Variants in CCSER1 observed in about 807,000 individuals in gnomAD.
The protein encoded by CCSER1 is serine-rich coiled-coil domain-containing protein 1.
Under a neutral mutation model 82.0 loss-of-function variants are expected in CCSER1, and 41 were observed. The observed-to-expected ratio is 0.50, with a 90% confidence interval of 0.39 to 0.65. The LOEUF (loss-of-function observed/expected upper bound fraction) is 0.65, where lower values mean the gene tolerates loss of function less well. Among genes scored for constraint, CCSER1 ranks in the 30% least tolerant of loss-of-function variants. The pLI is 0.00. For missense variants in CCSER1, 1,119 were observed against 1,064.2 expected (o/e 1.05, Z -0.72); for synonymous variants, 414 against 383.9 (o/e 1.08, Z -0.92).
intron 1 of CCSER1, among the ~76,000 whole-genome samples, chr4:90,196,095 G>T: frequency 7.0e-6 from 1 of 143,486 alleles, no homozygotes. Flanking sequence ...CACTTTCCTA[G>T]CTTTTTTTTT....
intron 10 of CCSER1, among the ~76,000 whole-genome samples, chr4:91,558,499 T>C (rs1311820497): frequency 1.3e-5 from 2 of 151,636 alleles, no homozygotes; most frequent in African/African-American, 2.4e-5. Context: ...GAAATCACAA[T>C]ACATACTTTG....
chr4:91,411,878 A>G (rs1753072577), intron 10 of CCSER1, among the ~76,000 whole-genome samples: 1 of 151,702 alleles, frequency 6.6e-6, no homozygotes, highest in Non-Finnish European at 1.5e-5. Context: ...GACTTTGCAT[A>G]TGGAATCAGT....
intron 10 of CCSER1, among the ~76,000 whole-genome samples, chr4:91,366,711 T>C (rs969356734): frequency 2.6e-5 from 4 of 152,208 alleles, no homozygotes; most frequent in African/African-American, 9.6e-5. Context: ...CATAATCTTA[T>C]TGAACTTGCA....
intron 5 of CCSER1, among the ~76,000 whole-genome samples, chr4:90,517,206 T>G (rs9994165): frequency 6.6e-6 from 1 of 152,152 alleles, no homozygotes; most frequent in African/African-American, 2.4e-5. Flanking sequence ...TATTGAATAC[T>G]GAACTGAAAT....
chr4:91,400,765 T>C (rs1752266806), intron 10 of CCSER1, among the ~76,000 whole-genome samples: 1 of 151,692 alleles, frequency 6.6e-6, no homozygotes, highest in African/African-American at 2.4e-5. Context: ...AAAATGTATA[T>C]TATGAACATG....
chr4:91,022,519 A>C (rs1740088915), intron 9 of CCSER1, among the ~76,000 whole-genome samples: 1 of 152,186 alleles, frequency 6.6e-6, no homozygotes, highest in South Asian at 2.1e-4. Context: ...CTTTGGGTAT[A>C]TACCCAGTAA....
intron 9 of CCSER1, among the ~76,000 whole-genome samples, chr4:91,081,936 A>G (rs1409857535): frequency 2.0e-5 from 3 of 152,218 alleles, no homozygotes; most frequent in South Asian, 2.1e-4. Context: ...ATGGAAGAAC[A>G]TTCCATGCTC....
intron 8 of CCSER1, among the ~76,000 whole-genome samples, chr4:90,880,325 CA>C (rs1423180555): frequency 6.6e-6 from 1 of 152,000 alleles, no homozygotes; most frequent in African/African-American, 2.4e-5. Context: ...GGCTCCACAC[CA>C]GAGATACGGG....
intron 9 of CCSER1, among the ~76,000 whole-genome samples, chr4:90,997,734 G>T (rs1355188357): frequency 2.0e-5 from 3 of 152,146 alleles, no homozygotes; most frequent in Admixed American, 2.0e-4. Flanking sequence ...TGAAGGAAGT[G>T]TTCCCATTCC....
intron 3 of CCSER1, among the ~76,000 whole-genome samples, chr4:90,331,973 C>G (rs1447528634): frequency 2.6e-5 from 4 of 151,862 alleles, no homozygotes; most frequent in Non-Finnish European, 4.4e-5. Context: ...ATTTTTTCCC[C>G]TCTGTCCCCT....
At chr4:90,635,522 A>G (rs1017794427) in intron 6 of CCSER1, among the ~76,000 whole-genome samples, 1 of 151,858 alleles carries the variant, frequency 6.6e-6, no homozygotes, top group South Asian at 2.1e-4. Flanking sequence ...AGATGATGAT[A>G]ATAATATCAC....
chr4:90,451,404 G>T (rs1384514884), intron 4 of CCSER1, among the ~76,000 whole-genome samples: 1 of 152,130 alleles, frequency 6.6e-6, no homozygotes, highest in Admixed American at 6.5e-5. Context: ...GGGTTCCAGG[G>T]GGACACGCCA....
At chr4:90,357,230 C>T (rs1358878748) in intron 3 of CCSER1, among the ~76,000 whole-genome samples, 4 of 151,870 alleles carry the variant, frequency 2.6e-5, no homozygotes, top group Non-Finnish European at 5.9e-5. Flanking sequence ...GCATGTTTAT[C>T]ATAGTTCCCC....
At chr4:90,624,464 C>G (rs1260728065) in intron 5 of CCSER1, among the ~76,000 whole-genome samples, 2 of 152,082 alleles carry the variant, frequency 1.3e-5, no homozygotes, top group African/African-American at 4.8e-5. Context: ...TTCAGTTTCC[C>G]TGTAGTTTGT....
chr4:90,365,174 G>C (rs1175052180), intron 3 of CCSER1, among the ~76,000 whole-genome samples: 2 of 151,862 alleles, frequency 1.3e-5, no homozygotes. Flanking sequence ...CCTACAGCTA[G>C]TATTCACAGA....
chr4:90,648,142 C>A (rs1727927668), intron 6 of CCSER1, among the ~76,000 whole-genome samples: 1 of 151,482 alleles, frequency 6.6e-6, no homozygotes, highest in Non-Finnish European at 1.5e-5. Context: ...TTATAGAATT[C>A]AGTTTAGACA....
intron 10 of CCSER1, among the ~76,000 whole-genome samples, chr4:91,142,102 C>G (rs1729089943): frequency 6.6e-6 from 1 of 152,148 alleles, no homozygotes; most frequent in South Asian, 2.1e-4. Context: ...ACCCATATTT[C>G]ACCTTGAATT....
chr4:91,059,879 A>C (rs1397894409), intron 9 of CCSER1, among the ~76,000 whole-genome samples: 3 of 152,066 alleles, frequency 2.0e-5, no homozygotes, highest in East Asian at 1.9e-4. Context: ...TCCAGCCTCT[A>C]AAAATCTCCT....
At chr4:90,612,543 C>G (rs1395659508) in intron 5 of CCSER1, among the ~76,000 whole-genome samples, 1 of 152,078 alleles carries the variant, frequency 6.6e-6, no homozygotes, top group East Asian at 1.9e-4. Flanking sequence ...AGAGAAATTC[C>G]ACATTAAAAC....
Sources: gnomAD v4.1 joint callset for allele counts (sites outside exome capture counted in the v4.1 genomes callset) on GRCh38, gnomAD v4.1.1 for gene constraint, MANE v1.5 for transcripts, NCBI Gene and HGNC (gene_info 2026-07-23, HGNC 2026-07-21) for gene names.